The following C16orf74 variants were observed in gnomAD, a reference collection of about 807,000 sequenced individuals.
C16orf74 encodes uncharacterized protein C16orf74.
C16orf74 carries 10 observed loss-of-function variants against 6.5 expected under a neutral mutation model. The observed-to-expected ratio is 1.54, with a 90% CI of 0.95 to 2.61. The LOEUF is 2.61. Among genes scored for constraint, C16orf74 ranks in the 30% most tolerant of loss-of-function variants. The pLI, the probability that C16orf74 is intolerant of heterozygous loss-of-function variation, is 0.00. For missense variants in C16orf74, 141 were observed against 105.9 expected (o/e 1.33, Z -1.45); for synonymous variants, 60 against 42.5 (o/e 1.41, Z -1.60).
intron 1 of C16orf74, among the ~76,000 whole-genome samples, chr16:85,749,215 T>C (rs1047782805): frequency 4.9e-4 from 75 of 152,200 alleles, no homozygotes; most frequent in Non-Finnish European, 4.8e-4. Flanking sequence ...CTTGCCATTT[T>C]CCAGCCATGT....
chr16:85,747,658 A>G (rs1339513003), intron 1 of C16orf74, among the ~76,000 whole-genome samples: 3 of 152,164 alleles, frequency 2.0e-5, no homozygotes, highest in Admixed American at 2.0e-4. Flanking sequence ...AAATATTTGA[A>G]GAGATTTATT....
In C16orf74 at chr16:85,708,035, ATCT is replaced by A. The variant is rs914060090; in HGVS notation, c.201_203del (p.Asp69del). On this transcript the variant is annotated inframe_deletion, in exon 4 of 4. Coordinates refer to ENST00000284245, the MANE Select transcript of C16orf74 (RefSeq NM_206967.3). ...AGGCTTCTGGGTCGATTTCTCCATC[ATCT>A]GGGCACGACCCTGTCTCATCCAGCC... is the stretch of plus-strand genomic sequence containing the variant. 2.4e-5 allele frequency: 37 copies of A among 1,553,396 alleles called. No individual in the cohort carries two copies. Among genetic ancestry groups the A allele is most frequent in the Admixed American group, 3.9e-5 (2 of 51,236 alleles).
chr16:85,740,556 G>T (rs1477097006), intron 1 of C16orf74, among the ~76,000 whole-genome samples: 1 of 152,008 alleles, frequency 6.6e-6, no homozygotes, highest in South Asian at 2.1e-4. Context: ...TAAAAAATTA[G>T]CCAGGCGTGG....
chr16:85,712,419 G>A (rs968456024), intron 2 of C16orf74, among the ~76,000 whole-genome samples: 17 of 152,224 alleles, frequency 1.1e-4, no homozygotes, highest in East Asian at 3.8e-4. Context: ...CCAGTAGGAA[G>A]GGATGGCAGG....
intron 2 of C16orf74, among the ~76,000 whole-genome samples, chr16:85,723,847 G>C (rs1469660218): frequency 1.3e-5 from 2 of 152,180 alleles, no homozygotes; most frequent in East Asian, 1.9e-4. Flanking sequence ...ACAAGAGCAG[G>C]CTGCCCCTGC....
intron 2 of C16orf74, among the ~76,000 whole-genome samples, chr16:85,724,001 G>A (rs980028683): frequency 1.5e-5 from 2 of 134,138 alleles, no homozygotes; most frequent in East Asian, 2.0e-4. Context: ...AACTTCCTTC[G>A]ATTTTTTTTT....
intron 2 of C16orf74, among the ~76,000 whole-genome samples, chr16:85,723,802 C>T (rs1353521080): frequency 6.6e-6 from 1 of 152,184 alleles, no homozygotes; most frequent in East Asian, 1.9e-4. Flanking sequence ...CAGGAGCCAT[C>T]CCTGGTGTGT....
rs547618356 is a variant in C16orf74, at chr16:85,708,271, C to G, written c.173-205G>C. Among the ~76,000 whole-genome samples the G allele has an allele frequency of 5.9e-5, 9 of 152,288 alleles. No individual in the cohort carries two copies. In the South Asian group the frequency reaches 1.7e-3, roughly 28 times the overall value. ...CTGCTTCAGTTTAAGAGGAACCCCTCCCAGCGTTCAGGAACCTCCCTGGGG... is the reference window on the plus strand; with the variant it reads ...CTGCTTCAGTTTAAGAGGAACCCCTGCCAGCGTTCAGGAACCTCCCTGGGG... On this transcript the variant is annotated intron_variant, in intron 3 of 3. Coordinates refer to ENST00000284245, the MANE Select transcript of C16orf74 (RefSeq NM_206967.3).
intron 2 of C16orf74, among the ~76,000 whole-genome samples, chr16:85,728,852 C>T (rs917705869): frequency 3.3e-5 from 5 of 152,150 alleles, no homozygotes; most frequent in Non-Finnish European, 7.4e-5. Context: ...AATATGAACT[C>T]GGATCTCTGA....
intron 2 of C16orf74, 93 bp downstream of exon 2, chr16:85,735,097 A>G: frequency 1.8e-6 from 2 of 1,088,858 alleles, no homozygotes; most frequent in Non-Finnish European, 2.7e-6. Context: ...CTCCCTCTGC[A>G]GGGCAGAGGG....
intron 1 of C16orf74, among the ~76,000 whole-genome samples, 160 bp from the exon 2 acceptor site, chr16:85,735,395 C>T (rs934853305): frequency 6.6e-6 from 1 of 152,204 alleles, no homozygotes; most frequent in East Asian, 1.9e-4. Flanking sequence ...TCAACTACAT[C>T]TGGGCTGGAT....
intron 1 of C16orf74, among the ~76,000 whole-genome samples, chr16:85,744,682 T>C (rs1249079571): frequency 1.3e-5 from 2 of 151,496 alleles, no homozygotes; most frequent in South Asian, 2.1e-4. Context: ...TACAAAAAAT[T>C]AGTCAGGCAT....
intron 1 of C16orf74, chr16:85,741,494 G>C (rs1234661923): frequency 6.2e-6 from 1 of 161,334 alleles, no homozygotes; most frequent in Non-Finnish European, 1.5e-5. Flanking sequence ...ATGCAGTGAG[G>C]GTCAGGCAGG....
chr16:85,721,827 G>T (rs2054086124), intron 2 of C16orf74, among the ~76,000 whole-genome samples: 1 of 152,142 alleles, frequency 6.6e-6, no homozygotes, highest in African/African-American at 2.4e-5. Flanking sequence ...GATGGCCCAA[G>T]CCAGAGGAAC....
intron 2 of C16orf74, among the ~76,000 whole-genome samples, chr16:85,726,269 T>G (rs2054132107): frequency 6.6e-6 from 1 of 152,244 alleles, no homozygotes; most frequent in African/African-American, 2.4e-5. Flanking sequence ...AGCTCTGTGC[T>G]GCTCACTGCT....
chr16:85,738,993 G>A (rs115479658), intron 1 of C16orf74, among the ~76,000 whole-genome samples: 3,130 of 152,190 alleles, frequency 0.021, 101 homozygotes, highest in African/African-American at 0.072. Flanking sequence ...TAGAGCCCAC[G>A]CTTTTAGTGA....
At chr16:85,720,409 A>C in intron 2 of C16orf74, among the ~76,000 whole-genome samples, 1 of 152,118 alleles carries the variant, frequency 6.6e-6, no homozygotes, top group Non-Finnish European at 1.5e-5. Context: ...TGCTCATCCT[A>C]GCACTGGGCG....
chr16:85,734,715 G>C (rs1250892925), intron 2 of C16orf74, among the ~76,000 whole-genome samples: 1 of 152,194 alleles, frequency 6.6e-6, no homozygotes, highest in Non-Finnish European at 1.5e-5. Flanking sequence ...ACAGAAGTCT[G>C]GGCTGCCTTT....
chr16:85,718,415 G>A (rs557046858), intron 2 of C16orf74, among the ~76,000 whole-genome samples: 1 of 152,272 alleles, frequency 6.6e-6, no homozygotes, highest in East Asian at 1.9e-4. Context: ...CGTTTCACTT[G>A]GAGGCCCTGA....
Sources: allele counts gnomAD v4.1 joint callset (sites outside exome capture counted in the v4.1 genomes callset), GRCh38; gene constraint gnomAD v4.1.1; transcripts MANE v1.5; gene names NCBI Gene and HGNC (gene_info 2026-07-23, HGNC 2026-07-21).